GRM7: variants seen among roughly 807,000 people sequenced by gnomAD.
GRM7 encodes the protein metabotropic glutamate receptor 7.
GRM7 carries 35 observed loss-of-function variants against 84.5 expected under a neutral mutation model. The ratio of observed to expected loss-of-function variants is 0.41; its 90% CI spans 0.32 to 0.55. The LOEUF (loss-of-function observed/expected upper bound fraction) is 0.55. GRM7 is among the 20% of genes least tolerant of loss of function. GRM7 has a pLI of 0.19. For missense variants in GRM7, 1,003 were observed against 1,194.6 expected (o/e 0.84, Z 2.36); for synonymous variants, 487 against 455.1 (o/e 1.07, Z -0.89).
In GRM7 at chr3:7,578,712, C is replaced by T; in HGVS notation, c.1806C>T (p.Ile602=). 1.9e-6 allele frequency: 3 copies of T among 1,614,116 alleles called. No homozygotes were observed. The highest frequency in any genetic ancestry group is 2.5e-6 in the Non-Finnish European group (3 of 1,179,986). The change falls in exon 8 of 10, where the codon ATC becomes ATT. Residue 602 remains isoleucine (I), a synonymous_variant. Transcript: ENST00000357716. ...CTGTCTTCCTGGCAATGTTGGGGAT[C>T]ATTGCCACCATCTTTGTCATGGCCA... ...VIPVFLAMLG[I]IATIFVMATF...
chr3:7,296,856 C>T (rs1699832507), intron 2 of GRM7, among the ~76,000 whole-genome samples: 1 of 151,612 alleles, frequency 6.6e-6, no homozygotes, highest in Non-Finnish European at 1.5e-5. Flanking sequence ...GCTATGTTGC[C>T]CCGACTGGTC....
At chr3:7,175,416 T>C (rs1445774472) in intron 2 of GRM7, among the ~76,000 whole-genome samples, 1 of 152,252 alleles carries the variant, frequency 6.6e-6, no homozygotes, top group East Asian at 1.9e-4. Context: ...ACAAAGACTT[T>C]GTTTAGAATG....
chr3:7,728,255 C>T (rs1702200035), intron 9 of GRM7, among the ~76,000 whole-genome samples: 1 of 152,142 alleles, frequency 6.6e-6, no homozygotes, highest in South Asian at 2.1e-4. Context: ...AAGATGCAGA[C>T]AAACTGGAAA....
At chr3:6,878,559 A>AATAATAATAATG (rs1695398653) in intron 1 of GRM7, among the ~76,000 whole-genome samples, 1 of 151,774 alleles carries the variant, frequency 6.6e-6, no homozygotes, top group South Asian at 2.1e-4. Flanking sequence ...TAATAATAAT[A>AATAATAATAATG]CAAAAACAAC....
At chr3:7,179,530 T>C (rs1695268773) in intron 2 of GRM7, among the ~76,000 whole-genome samples, 1 of 152,202 alleles carries the variant, frequency 6.6e-6, no homozygotes. Context: ...AAATAGTCAC[T>C]GCAGCAGAAG....
At chr3:7,272,593 A>G (rs534794321) in intron 2 of GRM7, among the ~76,000 whole-genome samples, 39 of 152,232 alleles carry the variant, frequency 2.6e-4, no homozygotes, top group South Asian at 1.7e-3. Context: ...GTGTCTTTCA[A>G]GGAGTTGGTA....
At chr3:7,592,462 G>A (rs73809443) in intron 8 of GRM7, among the ~76,000 whole-genome samples, 7,455 of 152,180 alleles carry the variant, frequency 0.049, 502 homozygotes, top group African/African-American at 0.15. Context: ...AGGCTATTTG[G>A]GAAATGACTA....
chr3:7,461,285 C>A, intron 6 of GRM7, among the ~76,000 whole-genome samples: 1 of 152,184 alleles, frequency 6.6e-6, no homozygotes, highest in Middle Eastern at 3.4e-3. Flanking sequence ...AAAATTAATG[C>A]ATATAGGTTT....
At chr3:7,147,663 A>C (rs952796002) in intron 2 of GRM7, among the ~76,000 whole-genome samples, 4 of 152,316 alleles carry the variant, frequency 2.6e-5, no homozygotes, top group African/African-American at 7.2e-5. Context: ...GATACGGATG[A>C]TGCTAGAAGA....
intron 4 of GRM7, among the ~76,000 whole-genome samples, chr3:7,396,730 A>C (rs2125151236): frequency 6.6e-6 from 1 of 151,720 alleles, no homozygotes; most frequent in Non-Finnish European, 1.5e-5. Flanking sequence ...GAATGCATAA[A>C]CCCTCTTTGT....
At chr3:7,560,093 T>C (rs1317468547) in intron 7 of GRM7, among the ~76,000 whole-genome samples, 3 of 152,074 alleles carry the variant, frequency 2.0e-5, no homozygotes, top group East Asian at 1.9e-4. Context: ...CCATAATCCC[T>C]ACTATCAGGC....
chr3:7,438,595 C>T (rs1181881103), intron 5 of GRM7, among the ~76,000 whole-genome samples: 1 of 152,020 alleles, frequency 6.6e-6, no homozygotes, highest in Non-Finnish European at 1.5e-5. Flanking sequence ...GGCAAGCAGA[C>T]AGAGTGGTTA....
intron 1 of GRM7, among the ~76,000 whole-genome samples, chr3:6,882,993 C>T (rs12630300): frequency 0.13 from 19,750 of 152,116 alleles, 2,114 homozygotes; most frequent in African/African-American, 0.3. Context: ...ACGTATGAGC[C>T]TATGGAAGAG....
At chr3:7,048,270 G>A (rs752567970) in intron 1 of GRM7, among the ~76,000 whole-genome samples, 31 of 151,948 alleles carry the variant, frequency 2.0e-4, no homozygotes, top group Non-Finnish European at 4.1e-4. Flanking sequence ...CAAGCTCAGA[G>A]TTGGGTTACC....
intron 2 of GRM7, among the ~76,000 whole-genome samples, chr3:7,290,165 CAAAG>C (rs1419621715): frequency 1.3e-5 from 2 of 152,016 alleles, no homozygotes; most frequent in African/African-American, 4.8e-5. Context: ...CTAAAAATGG[CAAAG>C]AAAGTAACTC....
intron 7 of GRM7, among the ~76,000 whole-genome samples, chr3:7,488,236 T>C (rs756560038): frequency 4.6e-5 from 7 of 152,214 alleles, no homozygotes; most frequent in African/African-American, 1.7e-4. Context: ...TTTGGGTTGA[T>C]GCTAGACCAT....
chr3:7,308,798 G>C (rs1700288995), intron 4 of GRM7, among the ~76,000 whole-genome samples: 1 of 152,092 alleles, frequency 6.6e-6, no homozygotes, highest in Non-Finnish European at 1.5e-5. Flanking sequence ...ATGCCATGTA[G>C]ACACAATGCA....
At chr3:7,314,835 A>G (rs571042654) in intron 4 of GRM7, among the ~76,000 whole-genome samples, 1 of 152,000 alleles carries the variant, frequency 6.6e-6, no homozygotes. Flanking sequence ...TGTATTTTTT[A>G]AAATTTCTGT....
chr3:7,578,834 C>A lies in GRM7; in HGVS notation c.1928C>A (p.Thr643Asn), dbSNP rs540234897. 2 of 1,614,172 alleles carry A rather than the reference C, an allele frequency of 1.2e-6. No homozygotes were observed. Among genetic ancestry groups the A allele is most frequent in the East Asian group, 2.2e-5 (1 of 44,882 alleles). The change falls in exon 8 of 10, where the codon ACT becomes AAT. Residue 643 changes from threonine (T) to asparagine (N), a missense_variant. Thr to Asn is a moderately conservative substitution (Grantham distance 65). Transcript: ENST00000357716. ...LTGIFLCYII[T>N]FLMIAKPDVA... ...GGCATCTTTCTTTGCTACATCATCA[C>A]TTTCCTGATGATTGCCAAACCAGAT...
Sources: gnomAD v4.1 joint callset for allele counts (sites outside exome capture counted in the v4.1 genomes callset) on GRCh38, gnomAD v4.1.1 for gene constraint, MANE v1.5 for transcripts, NCBI Gene and HGNC (gene_info 2026-07-23, HGNC 2026-07-21) for gene names.